DLC1: variants seen among roughly 807,000 people sequenced by gnomAD.
DLC1 encodes rho GTPase-activating protein 7.
A neutral mutation model predicts 140.3 loss-of-function variants in DLC1; 54 were observed. That is an observed-to-expected ratio of 0.38 (90% CI 0.31 to 0.48). The LOEUF (loss-of-function observed/expected upper bound fraction) is 0.48. Among genes scored for constraint, DLC1 ranks in the 20% least tolerant of loss-of-function variants. The probability of loss-of-function intolerance (pLI) is 0.96; values close to 1 mark genes in which losing one functional copy is unlikely to be tolerated. For missense variants in DLC1, 2,536 were observed against 1,907.0 expected, an observed-to-expected ratio of 1.33 and a Z score of -6.14; for synonymous variants, 986 against 728.1, an observed-to-expected ratio of 1.35 and a Z score of -5.70.
At chr8:13,118,004 C>CTTTTTTTTT (rs35775672) in intron 5 of DLC1, among the ~76,000 whole-genome samples, 3 of 114,978 alleles carry the variant, frequency 2.6e-5, no homozygotes, top group African/African-American at 6.8e-5. Flanking sequence ...TGTTCTCTTT[C>CTTTTTTTTT]TTTTTTTTTT....
intron 5 of DLC1, among the ~76,000 whole-genome samples, chr8:13,254,828 C>A (rs990409590): frequency 1.2e-4 from 18 of 152,058 alleles, no homozygotes; most frequent in Non-Finnish European, 2.2e-4. Flanking sequence ...TAGCATTTAA[C>A]AAAATATTTA....
At chr8:13,513,340 T>C (rs1054377247) in intron 1 of DLC1, among the ~76,000 whole-genome samples, 1 of 152,264 alleles carries the variant, frequency 6.6e-6, no homozygotes, top group East Asian at 1.9e-4. Flanking sequence ...AAGTAGATTC[T>C]TTTTCTCATA....
intron 1 of DLC1, among the ~76,000 whole-genome samples, chr8:13,554,601 T>G (rs1197978239): frequency 6.6e-6 from 1 of 152,218 alleles, no homozygotes; most frequent in Non-Finnish European, 1.5e-5. Flanking sequence ...TTAACTTTTC[T>G]TTTTCTCACA....
chr8:13,393,916 A>G (rs1427132468), intron 3 of DLC1, among the ~76,000 whole-genome samples: 1 of 152,222 alleles, frequency 6.6e-6, no homozygotes, highest in Non-Finnish European at 1.5e-5. Context: ...AAGAGGTAAC[A>G]TACTATTTGG....
At chr8:13,245,000 T>C (rs908510310) in intron 5 of DLC1, among the ~76,000 whole-genome samples, 4 of 152,238 alleles carry the variant, frequency 2.6e-5, no homozygotes, top group African/African-American at 9.6e-5. Flanking sequence ...AGAGTTGAGC[T>C]TTATTTTTTT....
At chr8:13,536,672 G>T (rs986229736) in intron 1 of DLC1, among the ~76,000 whole-genome samples, 8 of 152,166 alleles carry the variant, frequency 5.3e-5, no homozygotes, top group Non-Finnish European at 1.0e-4. Context: ...GCTGCTTCCT[G>T]CCCCAAGCAG....
intron 3 of DLC1, among the ~76,000 whole-genome samples, chr8:13,394,528 G>A (rs901758441): frequency 4.6e-5 from 7 of 152,172 alleles, no homozygotes; most frequent in African/African-American, 1.7e-4. Flanking sequence ...TGAGTTATAG[G>A]TGGTTTGGTT....
At chr8:13,351,043 T>C (rs1729126) in intron 4 of DLC1, among the ~76,000 whole-genome samples, 137,634 of 152,250 alleles carry the variant, frequency 0.9, 62,289 homozygotes, top group East Asian at 1. Context: ...TAGCCTAATT[T>C]AGGGACAGTT....
At chr8:13,407,859 T>A (rs1203853549) in intron 2 of DLC1, among the ~76,000 whole-genome samples, 3 of 152,210 alleles carry the variant, frequency 2.0e-5, no homozygotes, top group Non-Finnish European at 4.4e-5. Context: ...AAGTATTTGA[T>A]CTTTGGCCAG....
intron 3 of DLC1, among the ~76,000 whole-genome samples, chr8:13,395,161 C>A (rs1175435756): frequency 1.4e-4 from 21 of 151,740 alleles, no homozygotes; most frequent in Non-Finnish European, 2.8e-4. Flanking sequence ...CACACCGTCG[C>A]CCCGGCTGGA....
At chr8:13,567,902 G>A (rs1021004817) in intron 1 of DLC1, 27 of 1,551,788 alleles carry the variant, frequency 1.7e-5, no homozygotes, top group South Asian at 4.8e-5. Flanking sequence ...TTTCTCAAGC[G>A]ACTTACTCTA....
At chr8:13,506,483 C>A (rs544019867) in intron 1 of DLC1, among the ~76,000 whole-genome samples, 2 of 150,486 alleles carry the variant, frequency 1.3e-5, no homozygotes, top group South Asian at 2.1e-4. Context: ...GATTAGCCAT[C>A]CCATGTTAAA....
intron 1 of DLC1, among the ~76,000 whole-genome samples, chr8:13,532,665 A>G (rs1803138941): frequency 6.6e-6 from 1 of 152,100 alleles, no homozygotes; most frequent in East Asian, 1.9e-4. Flanking sequence ...TTCATTGCTC[A>G]CTGTGATCTT....
At chr8:13,398,723 C>T (rs1295436021) in intron 3 of DLC1, among the ~76,000 whole-genome samples, 1 of 151,848 alleles carries the variant, frequency 6.6e-6, no homozygotes, top group Non-Finnish European at 1.5e-5. Context: ...GAATTTGAAC[C>T]TAAGTGAGAG....
At chr8:13,462,121 G>A (rs1441944683) in intron 2 of DLC1, among the ~76,000 whole-genome samples, 2 of 152,082 alleles carry the variant, frequency 1.3e-5, no homozygotes, top group Non-Finnish European at 2.9e-5. Flanking sequence ...CTTTTTCTAG[G>A]AGGACACAGA....
At chr8:13,393,294 G>A (rs1024713621) in intron 4 of DLC1, among the ~76,000 whole-genome samples, 2 of 150,624 alleles carry the variant, frequency 1.3e-5, no homozygotes, top group Non-Finnish European at 3.0e-5. Flanking sequence ...AAAGCTCTGA[G>A]TATCCGGCAA....
intron 4 of DLC1, among the ~76,000 whole-genome samples, chr8:13,318,238 T>C (rs1832936318): frequency 6.6e-6 from 1 of 151,904 alleles, no homozygotes; most frequent in South Asian, 2.1e-4. Context: ...CTTGCTATAT[T>C]TTCCAGGCTG....
At position 13,201,921 on chromosome 8, in the gene DLC1, GTTTTTTT is replaced by G. The variant is rs35475930; in HGVS notation, c.1349-86271_1349-86265del. ...AGGTACTAAGTCTAGTACCCAAAAG[GTTTTTTT>G]TTTTTTTTTTTTTTTGGTTGGTTCG... On this transcript the variant is annotated intron_variant, in intron 5 of 17. Coordinates refer to ENST00000276297, the MANE Select transcript of DLC1 (RefSeq NM_182643.3). Among the ~76,000 whole-genome samples, 112 of 101,792 alleles carry G rather than the reference GTTTTTTT, an allele frequency of 1.1e-3. 1 individual carries two copies. Among genetic ancestry groups the G allele is most frequent in the African/African-American group, 3.2e-3 (87 of 27,582 alleles). 66.8% of individuals were successfully genotyped at this position (101,792 alleles called of 152,430 possible).
At chr8:13,286,145 G>A (rs546356460) in intron 5 of DLC1, among the ~76,000 whole-genome samples, 3 of 152,296 alleles carry the variant, frequency 2.0e-5, no homozygotes, top group South Asian at 4.1e-4. Flanking sequence ...AGAAGTGATA[G>A]AATTGGGTCA....
Sources: gnomAD v4.1 joint callset for allele counts (sites outside exome capture counted in the v4.1 genomes callset) on GRCh38, gnomAD v4.1.1 for gene constraint, MANE v1.5 for transcripts, NCBI Gene and HGNC (gene_info 2026-07-23, HGNC 2026-07-21) for gene names.